Variants in MAGI2 observed in about 807,000 individuals in gnomAD.
The protein encoded by MAGI2 is membrane-associated guanylate kinase, WW and PDZ domain-containing protein 2.
In MAGI2, 35 loss-of-function variants were observed where a neutral mutation model predicts 133.3. The observed-to-expected ratio is 0.26, with a 90% CI of 0.20 to 0.35. The LOEUF is 0.35. Among genes scored for constraint, MAGI2 ranks in the 10% least tolerant of loss-of-function variants. The pLI is 1.00. For missense variants in MAGI2, 1,636 were observed against 1,863.4 expected, an observed-to-expected ratio of 0.88 and a Z score of 2.25; for synonymous variants, 729 against 710.6, an observed-to-expected ratio of 1.03 and a Z score of -0.41.
intron 2 of MAGI2, among the ~76,000 whole-genome samples, chr7:78,776,998 C>T (rs1168514612): frequency 6.6e-6 from 1 of 152,166 alleles, no homozygotes; most frequent in Non-Finnish European, 1.5e-5. Context: ...GGAACTTTCT[C>T]ACCCTGTCTC....
chr7:78,750,867 T>C (rs1823389909), intron 2 of MAGI2, among the ~76,000 whole-genome samples: 1 of 152,240 alleles, frequency 6.6e-6, no homozygotes, highest in Non-Finnish European at 1.5e-5. Flanking sequence ...ACTTAAATTT[T>C]ACATCAATAT....
chr7:78,352,051 T>C (rs1347725259), intron 7 of MAGI2: 1 of 152,088 alleles, frequency 6.6e-6, no homozygotes, highest in African/African-American at 2.4e-5. Context: ...CCTTACAGAG[T>C]TGTTGTGCAT....
intron 3 of MAGI2, among the ~76,000 whole-genome samples, chr7:78,587,385 A>T (rs1803539713): frequency 1.3e-5 from 2 of 152,208 alleles, no homozygotes. Context: ...GAGCACTTAC[A>T]GCTATTTGTT....
intron 14 of MAGI2, 90 bp downstream of exon 14, chr7:78,177,921 C>T: frequency 7.7e-6 from 7 of 907,012 alleles, no homozygotes; most frequent in Non-Finnish European, 1.2e-5. Context: ...TAAAACATTT[C>T]CTTTTAGATA....
intron 2 of MAGI2, among the ~76,000 whole-genome samples, chr7:78,969,473 G>A (rs1168700493): frequency 6.6e-6 from 1 of 151,950 alleles, no homozygotes; most frequent in Non-Finnish European, 1.5e-5. Flanking sequence ...AATGATCTTG[G>A]CGAGAGACAA....
chr7:78,366,715 G>A (rs533357462), intron 7 of MAGI2, among the ~76,000 whole-genome samples: 1 of 152,236 alleles, frequency 6.6e-6, no homozygotes, highest in East Asian at 1.9e-4. Flanking sequence ...TCAAGAAGAT[G>A]TTTCCAATAA....
intron 3 of MAGI2, among the ~76,000 whole-genome samples, chr7:78,546,024 A>T (rs894469218): frequency 6.6e-5 from 10 of 152,188 alleles, no homozygotes; most frequent in South Asian, 2.1e-4. Flanking sequence ...TATTCAAATT[A>T]TCTAAAATAA....
At chr7:78,069,539 G>GGA (rs3840607) in intron 21 of MAGI2, among the ~76,000 whole-genome samples, 18,317 of 134,444 alleles carry the variant, frequency 0.14, 1,383 homozygotes, top group African/African-American at 0.21. Context: ...GAAAGAGAGA[G>GGA]GAGAGAGAGA....
chr7:79,259,269 G>T (rs1208439571), intron 1 of MAGI2, among the ~76,000 whole-genome samples: 1 of 152,178 alleles, frequency 6.6e-6, no homozygotes, highest in African/African-American at 2.4e-5. Flanking sequence ...CTGCAATGTT[G>T]TAGGAATACA....
chr7:78,692,677 T>A (rs186263969), intron 2 of MAGI2, among the ~76,000 whole-genome samples: 1 of 152,328 alleles, frequency 6.6e-6, no homozygotes, highest in Admixed American at 6.5e-5. Context: ...TATTTAAGTA[T>A]CACATTGTGT....
At chr7:78,164,608 C>T (rs759735433) in intron 15 of MAGI2, among the ~76,000 whole-genome samples, 4 of 152,254 alleles carry the variant, frequency 2.6e-5, no homozygotes, top group Admixed American at 6.5e-5. Context: ...GATCAGGGAA[C>T]GTACTGGCAC....
At chr7:78,687,204 C>A (rs1316640317) in intron 2 of MAGI2, among the ~76,000 whole-genome samples, 1 of 152,140 alleles carries the variant, frequency 6.6e-6, no homozygotes, top group Non-Finnish European at 1.5e-5. Context: ...TCCTGAGACC[C>A]CCAGCTGACC....
intron 3 of MAGI2, among the ~76,000 whole-genome samples, chr7:78,606,726 G>T (rs2150897105): frequency 6.6e-6 from 1 of 152,146 alleles, no homozygotes; most frequent in South Asian, 2.1e-4. Context: ...TGAATTTTAT[G>T]GCATCAATAA....
chr7:78,291,116 C>A (rs180772877), intron 9 of MAGI2, among the ~76,000 whole-genome samples: 2 of 152,240 alleles, frequency 1.3e-5, no homozygotes, highest in Non-Finnish European at 2.9e-5. Context: ...ACACAAAAAA[C>A]CCTTCAAAAG....
intron 9 of MAGI2, among the ~76,000 whole-genome samples, chr7:78,299,102 G>A (rs570863088): frequency 3.3e-5 from 5 of 152,254 alleles, no homozygotes; most frequent in African/African-American, 1.2e-4. Flanking sequence ...ACAGGCGTGA[G>A]CTACCGTGCC....
chr7:79,206,338 T>G (rs1045804147), intron 1 of MAGI2, among the ~76,000 whole-genome samples: 1 of 151,364 alleles, frequency 6.6e-6, no homozygotes, highest in African/African-American at 2.4e-5. Flanking sequence ...TTAGTTAACC[T>G]AAGAGAAAAA....
At chr7:79,198,318 A>G (rs1042564457) in intron 1 of MAGI2, among the ~76,000 whole-genome samples, 1 of 151,832 alleles carries the variant, frequency 6.6e-6, no homozygotes, top group African/African-American at 2.4e-5. Flanking sequence ...GCACATTAGT[A>G]CAGTGCTGCC....
intron 1 of MAGI2, among the ~76,000 whole-genome samples, chr7:79,214,651 T>A (rs185815025): frequency 0.035 from 4,919 of 140,058 alleles, 143 homozygotes; most frequent in African/African-American, 0.061. Context: ...ATTTATAATT[T>A]TATATATTTA....
intron 2 of MAGI2, among the ~76,000 whole-genome samples, chr7:78,925,073 G>A (rs977358426): frequency 9.9e-5 from 15 of 151,900 alleles, no homozygotes; most frequent in African/African-American, 3.4e-4. Context: ...CAGGGGTCAA[G>A]TCTCAAATTT....
Sources: allele counts gnomAD v4.1 joint callset (sites outside exome capture counted in the v4.1 genomes callset), GRCh38; gene constraint gnomAD v4.1.1; transcripts MANE v1.5; gene names NCBI Gene and HGNC (gene_info 2026-07-23, HGNC 2026-07-21).